ADGRL2: variants seen among roughly 807,000 people sequenced by gnomAD.
The protein encoded by ADGRL2 is calcium-independent alpha-latrotoxin receptor 2.
A neutral mutation model predicts 157.4 loss-of-function variants in ADGRL2; 44 were observed. The observed-to-expected ratio is 0.28, with a 90% CI of 0.22 to 0.36. The LOEUF is 0.36. Ranked by LOEUF, ADGRL2 falls within the 10% of genes least tolerant of loss-of-function variation. ADGRL2 has a pLI of 1.00. For synonymous variants in ADGRL2, 585 were observed against 624.7 expected (o/e 0.94, Z 0.95); for missense variants, 1,510 against 1,768.9 (o/e 0.85, Z 2.63).
chr1:81,438,480 G>A (rs1377103379), intron 1 of ADGRL2, among the ~76,000 whole-genome samples: 1 of 151,958 alleles, frequency 6.6e-6, no homozygotes, highest in Admixed American at 6.6e-5. Flanking sequence ...CCACATAATG[G>A]TACAATATAG....
chr1:81,471,958 G>A (rs903346894), intron 2 of ADGRL2, among the ~76,000 whole-genome samples: 5 of 152,052 alleles, frequency 3.3e-5, no homozygotes, highest in African/African-American at 1.2e-4. Context: ...ATCAGCTTTA[G>A]GAAGTTTGGG....
intron 2 of ADGRL2, among the ~76,000 whole-genome samples, chr1:81,554,306 G>C (rs2080219789): frequency 6.6e-6 from 1 of 152,126 alleles, no homozygotes; most frequent in Non-Finnish European, 1.5e-5. Context: ...CCACTTGTGA[G>C]TTGTCTCCTG....
At position 81,497,630 on chromosome 1, in the gene ADGRL2, G is replaced by C. The variant is rs1293982584; in HGVS notation, c.-248+52541G>C. Reference sequence around the variant, plus strand: ...ATCCTAGGACTACCTGTTATGAGCTGTGTGACTTTAAGCAAGTTGTTTAAC... The same window carrying C: ...ATCCTAGGACTACCTGTTATGAGCTCTGTGACTTTAAGCAAGTTGTTTAAC... On this transcript the variant is annotated intron_variant, in intron 2 of 24. Transcript: ENST00000370721. Among the ~76,000 whole-genome samples the C allele has an allele frequency of 2.6e-5, 4 of 152,262 alleles. No individual in the cohort carries two copies. In the East Asian group the frequency reaches 7.7e-4, roughly 29 times the overall value.
intron 3 of ADGRL2, among the ~76,000 whole-genome samples, chr1:81,639,573 G>A (rs2082179368): frequency 7.1e-6 from 1 of 140,950 alleles, no homozygotes; most frequent in South Asian, 2.3e-4. Flanking sequence ...AAAGATGAAG[G>A]TATATGACAC....
chr1:81,780,612 C>T (rs1035730399), intron 2 of ADGRL2, among the ~76,000 whole-genome samples: 2 of 152,072 alleles, frequency 1.3e-5, no homozygotes, highest in Non-Finnish European at 2.9e-5. Flanking sequence ...CCGTTAATAG[C>T]GCAAAGATTT....
intron 1 of ADGRL2, among the ~76,000 whole-genome samples, chr1:81,742,477 G>T (rs1366653988): frequency 6.6e-6 from 1 of 152,010 alleles, no homozygotes; most frequent in Non-Finnish European, 1.5e-5. Flanking sequence ...TAAAGATTTT[G>T]AGAGTGATGA....
At chr1:81,400,485 G>T (rs779976135) in intron 1 of ADGRL2, among the ~76,000 whole-genome samples, 1 of 152,134 alleles carries the variant, frequency 6.6e-6, no homozygotes, top group Non-Finnish European at 1.5e-5. Context: ...ACAGTACTGG[G>T]CCAACTCTAG....
intron 2 of ADGRL2, among the ~76,000 whole-genome samples, chr1:81,529,904 T>C (rs749811266): frequency 1.3e-5 from 2 of 152,156 alleles, no homozygotes; most frequent in Non-Finnish European, 2.9e-5. Context: ...CTAAATATTA[T>C]TGAGGAACAA....
At chr1:81,962,730 TA>T (rs1379006277) in intron 11 of ADGRL2, among the ~76,000 whole-genome samples, 2 of 152,192 alleles carry the variant, frequency 1.3e-5, no homozygotes, top group Non-Finnish European at 2.9e-5. Flanking sequence ...CCCATATGAA[TA>T]ACCAGTTCCT....
intron 2 of ADGRL2, among the ~76,000 whole-genome samples, chr1:81,493,775 G>A (rs1024642544): frequency 2.0e-5 from 3 of 152,136 alleles, no homozygotes; most frequent in Non-Finnish European, 4.4e-5. Flanking sequence ...GCAGGAGGGA[G>A]TGGTCAGTGG....
At chr1:81,644,635 A>G (rs370970453) in intron 3 of ADGRL2, among the ~76,000 whole-genome samples, 2 of 152,340 alleles carry the variant, frequency 1.3e-5, no homozygotes, top group South Asian at 4.1e-4. Context: ...GTCATATGTC[A>G]TTATTATACA....
chr1:81,409,631 T>G (rs1479649988), intron 1 of ADGRL2, among the ~76,000 whole-genome samples: 3 of 152,250 alleles, frequency 2.0e-5, no homozygotes, highest in Non-Finnish European at 4.4e-5. Flanking sequence ...ATCATTTTCT[T>G]GCTTTAAATA....
intron 1 of ADGRL2, among the ~76,000 whole-genome samples, chr1:81,720,314 T>C (rs2084263824): frequency 6.6e-6 from 1 of 151,770 alleles, no homozygotes; most frequent in African/African-American, 2.4e-5. Flanking sequence ...GTAGCTGGAT[T>C]ACAGGCCACT....
At chr1:81,389,694 C>T (rs550920417) in intron 1 of ADGRL2, among the ~76,000 whole-genome samples, 38 of 152,252 alleles carry the variant, frequency 2.5e-4, no homozygotes, top group African/African-American at 8.9e-4. Flanking sequence ...AATTCAACCA[C>T]TAATACCACT....
intron 1 of ADGRL2, among the ~76,000 whole-genome samples, chr1:81,740,791 T>G (rs1243146160): frequency 6.6e-6 from 1 of 152,008 alleles, no homozygotes; most frequent in Admixed American, 6.6e-5. Flanking sequence ...TGAATAGAAA[T>G]AGGAAGCTTT....
chr1:81,497,775 G>T (rs1449623443), intron 2 of ADGRL2, among the ~76,000 whole-genome samples: 2 of 152,226 alleles, frequency 1.3e-5, no homozygotes, highest in African/African-American at 4.8e-5. Context: ...GACAGAGGAA[G>T]TGTTACATAG....
chr1:81,441,058 G>C (rs1050658662), intron 1 of ADGRL2, among the ~76,000 whole-genome samples: 8 of 152,114 alleles, frequency 5.3e-5, no homozygotes, highest in African/African-American at 1.9e-4. Flanking sequence ...TTTGTGTGAT[G>C]TTTTATTTGT....
intron 2 of ADGRL2, among the ~76,000 whole-genome samples, chr1:81,466,358 C>T (rs1051283391): frequency 3.9e-5 from 6 of 152,136 alleles, no homozygotes; most frequent in South Asian, 2.1e-4. Flanking sequence ...AATTCGGTTT[C>T]GTGCAGTTTT....
At chr1:81,467,061 A>G (rs1397591618) in intron 2 of ADGRL2, among the ~76,000 whole-genome samples, 1 of 151,374 alleles carries the variant, frequency 6.6e-6, no homozygotes, top group Non-Finnish European at 1.5e-5. Context: ...AAAAAAAAAG[A>G]AAAAAAACGA....
Sources: allele counts gnomAD v4.1 joint callset (sites outside exome capture counted in the v4.1 genomes callset), GRCh38; gene constraint gnomAD v4.1.1; transcripts MANE v1.5; gene names NCBI Gene and HGNC (gene_info 2026-07-23, HGNC 2026-07-21).